The following EVC2 variants were observed in gnomAD, a reference collection of about 807,000 sequenced individuals.
The protein encoded by EVC2 is EvC ciliary complex subunit 2.
In EVC2, 148 loss-of-function variants were observed where a neutral mutation model predicts 149.3. The ratio of observed to expected loss-of-function variants is 0.99; its 90% CI spans 0.87 to 1.14. The LOEUF (loss-of-function observed/expected upper bound fraction) is 1.14. Among genes scored for constraint, EVC2 ranks in the 50% most tolerant of loss-of-function variants. EVC2 has a pLI of 0.00. For missense variants in EVC2, 1,854 were observed against 1,627.3 expected (o/e 1.14, Z -2.40); for synonymous variants, 776 against 649.9 (o/e 1.19, Z -2.95).
In EVC2 at chr4:5,576,278, C is replaced by T; in HGVS notation, c.3234G>A (p.Leu1078=). The T allele has an allele frequency of 6.2e-7, 1 of 1,614,198 alleles. No individual in the cohort carries two copies. Among genetic ancestry groups the T allele is most frequent in the Admixed American group, 1.7e-5 (1 of 60,030 alleles). ...RQVSTVLHQA[L]SKSQTLLEQH... is the part of the protein sequence containing the mutation. ...GCTCCAGTAATGTCTGGCTCTTGCT[C>T]AGGGCTTGGTGCAGGACAGTAGAGA... The change falls in exon 18 of 22, where the codon CTG becomes CTA. Residue 1078 remains leucine, a synonymous_variant. Transcript: ENST00000344408. The surrounding 1 kb of genome is among the most constrained non-coding windows in gnomAD (Gnocchi z 4.5).
At chr4:5,571,651 A>T (rs917093688) in intron 19 of EVC2, among the ~76,000 whole-genome samples, 2 of 152,188 alleles carry the variant, frequency 1.3e-5, no homozygotes, top group Admixed American at 6.5e-5. Context: ...TTCCCTGATG[A>T]TTCTTTTCTC....
At chr4:5,665,485 C>T (rs370584761) in intron 8 of EVC2, 30 bp downstream of exon 8, 1 of 1,613,712 alleles carries the variant, frequency 6.2e-7, no homozygotes, top group Non-Finnish European at 8.5e-7. Context: ...ACATTCACCA[C>T]CTTCCAAACC....
Position 5,622,644 on chromosome 4 carries a change from C to G in EVC2, c.2394G>C (p.Arg798Ser). The G allele has an allele frequency of 6.2e-7, 1 of 1,614,086 alleles. No homozygotes were observed. Among genetic ancestry groups the G allele is most frequent in the Non-Finnish European group, 8.5e-7 (1 of 1,180,020 alleles). Residue 798 changes from arginine (R) to serine (S), a missense_variant, in exon 14 of 22, where the codon AGG becomes AGC. Physicochemically the swap from Arg to Ser is moderately radical, Grantham distance 110 (BLOSUM62 -1). Transcript: ENST00000344408. The surrounding 1 kb of genome is among the most constrained non-coding windows in gnomAD (Gnocchi z 5.8). ...AEQLEGEERD[R>S]DQEGVQSVRQ... ...TCACGCTCTGGACACCCTCCTGGTC[C>G]CTGTCCCTCTCCTCCCCCTCCAGCT... is the stretch of plus-strand genomic sequence containing the variant.
Position 5,562,882 on chromosome 4 carries a change from G to C in EVC2, c.3893C>G (p.Ala1298Gly). The change falls in exon 22 of 22, where the codon GCC becomes GGC. Residue 1298 changes from alanine (A) to glycine (G), a missense_variant. Transcript: ENST00000344408. The surrounding 1 kb of genome is among the most constrained non-coding windows in gnomAD (Gnocchi z 4.3). ...PPRKKKNFLN[A>G]KKAMRALGMD ...GCCCAAGGCCCTCATGGCCTTTTTG[G>C]CATTCAAAAAGTTCTTCTTTTTCCT... is the stretch of plus-strand genomic sequence containing the variant. 1 of 1,614,114 alleles carries C rather than the reference G, an allele frequency of 6.2e-7. No homozygotes were observed. The highest frequency in any genetic ancestry group is 8.5e-7 in the Non-Finnish European group (1 of 1,180,030).
At chr4:5,663,013 A>G in intron 9 of EVC2, 94 bp downstream of exon 9, 1 of 1,511,258 alleles carries the variant, frequency 6.6e-7, no homozygotes, top group African/African-American at 1.4e-5. Flanking sequence ...TGATTAACTG[A>G]ATGAATGAAA....
intron 10 of EVC2, among the ~76,000 whole-genome samples, chr4:5,634,978 C>G (rs1235381636): frequency 1.4e-5 from 2 of 145,942 alleles, no homozygotes; most frequent in African/African-American, 2.5e-5. Context: ...AGCTGGAAAT[C>G]TGGGTTTTCT....
intron 16 of EVC2, among the ~76,000 whole-genome samples, chr4:5,599,687 A>G (rs1352049909): frequency 1.3e-5 from 2 of 152,146 alleles, no homozygotes; most frequent in Non-Finnish European, 2.9e-5. Flanking sequence ...TAACCTGCAC[A>G]TTGTGCACAT....
intron 6 of EVC2, among the ~76,000 whole-genome samples, chr4:5,683,080 G>A (rs1215621000): frequency 2.6e-5 from 4 of 152,298 alleles, no homozygotes; most frequent in Admixed American, 6.5e-5. Flanking sequence ...GGGCCAGCAG[G>A]CAACCTCATG....
chr4:5,703,555 G>A (rs762269505), intron 1 of EVC2, among the ~76,000 whole-genome samples: 7 of 152,132 alleles, frequency 4.6e-5, no homozygotes, highest in African/African-American at 7.2e-5. Flanking sequence ...CTCTCAGCCC[G>A]GGTTCCAATC....
At chr4:5,560,507 C>T (rs1721918521), downstream of EVC2, among the ~76,000 whole-genome samples, 1 of 152,014 alleles carries the variant, frequency 6.6e-6, no homozygotes, top group South Asian at 2.1e-4. This position sits in a 1 kb window ranked among gnomAD's most constrained non-coding sequence, Gnocchi z 4.1. Flanking sequence ...CATCAGATCT[C>T]GTGAGACTCA....
chr4:5,700,188 T>C (rs565136418), intron 1 of EVC2, among the ~76,000 whole-genome samples: 1 of 152,274 alleles, frequency 6.6e-6, no homozygotes, highest in South Asian at 2.1e-4. Context: ...GGACACTATG[T>C]ATGTGTGTGG....
At chr4:5,704,038 G>C (rs1362633564) in intron 1 of EVC2, among the ~76,000 whole-genome samples, 1 of 152,130 alleles carries the variant, frequency 6.6e-6, no homozygotes, top group East Asian at 1.9e-4. Flanking sequence ...GCCTGAGCAG[G>C]GCGAGTGAGT....
At chr4:5,544,107 A>G (rs1236062419) in intron 21 of EVC2, among the ~76,000 whole-genome samples, 2 of 152,194 alleles carry the variant, frequency 1.3e-5, no homozygotes, top group Non-Finnish European at 2.9e-5. Flanking sequence ...ATGAGAGAAG[A>G]GGGAGGGAGA....
chr4:5,574,542 A>C, intron 19 of EVC2, 143 bp downstream of exon 19: 22 of 807,262 alleles, frequency 2.7e-5, no homozygotes, highest in Middle Eastern at 2.6e-4. Context: ...GGCCCATGCT[A>C]GAGCTTCGCA....
At chr4:5,620,952 C>T (rs75923311) in intron 14 of EVC2, among the ~76,000 whole-genome samples, 3,598 of 152,294 alleles carry the variant, frequency 0.024, 109 homozygotes, top group African/African-American at 0.071. Flanking sequence ...TAAGAAATGA[C>T]ATTTAAGGAT....
chr4:5,563,051 G>T lies in EVC2; in HGVS notation c.3724C>A (p.Pro1242Thr). The T allele has an allele frequency of 4.3e-6, 7 of 1,614,132 alleles. No homozygotes were observed. The highest frequency in any genetic ancestry group is 5.1e-6 in the Non-Finnish European group (6 of 1,180,034). Reference protein sequence around the residue: ...RMIFSGKGSWPHLSLEPIGEL... With the variant: ...RMIFSGKGSWTHLSLEPIGEL... ...CCAATGGGCTCCAGTGACAGGTGTG[G>T]CCAACTTCCTTTTCCAGAGAATATC... The change falls in exon 22 of 22, where the codon CCA (proline) becomes ACA (threonine). Residue 1242 changes from proline (P) to threonine (T), a missense_variant. By Grantham distance (38) the Pro-to-Thr change is conservative. Coordinates refer to ENST00000344408, the MANE Select transcript of EVC2 (RefSeq NM_147127.5).
rs186022130 is a variant in EVC2 at position 5,665,884 on chromosome 4, C to G, written c.871-235G>C. Among the ~76,000 whole-genome samples the G allele has an allele frequency of 9.2e-5, 14 of 152,310 alleles. No homozygotes were observed. The East Asian group carries it at 2.5e-3, about 27-fold the overall frequency. On this transcript the variant is annotated intron_variant, in intron 7 of 21. Coordinates refer to ENST00000344408, the MANE Select transcript of EVC2 (RefSeq NM_147127.5). ...CAAAGACCTGAGGCATGGTGATTTGCACACAATAGCACCATCCAGCCGCAC... is the reference window on the plus strand; with the variant it reads ...CAAAGACCTGAGGCATGGTGATTTGGACACAATAGCACCATCCAGCCGCAC...
At chr4:5,536,902 G>A in the EVC2 span, among the ~76,000 whole-genome samples, 1 of 152,062 alleles carries the variant, frequency 6.6e-6, no homozygotes, top group East Asian at 1.9e-4. Context: ...ACAATTCATA[G>A]AAAAAGACAA....
chr4:5,621,469 G>C (rs1715684166), intron 14 of EVC2, among the ~76,000 whole-genome samples: 2 of 152,190 alleles, frequency 1.3e-5, no homozygotes, highest in South Asian at 4.1e-4. Context: ...TGGTGGTCCT[G>C]GGTCTTTTGG....
Sources: allele counts gnomAD v4.1 joint callset (sites outside exome capture counted in the v4.1 genomes callset), GRCh38; gene constraint gnomAD v4.1.1; non-coding constraint Gnocchi (gnomAD v3.1); transcripts MANE v1.5; gene names NCBI Gene and HGNC (gene_info 2026-07-23, HGNC 2026-07-21).